The following GALNT17 variants were observed in gnomAD, a reference collection of about 807,000 sequenced individuals.
GALNT17 encodes polypeptide N-acetylgalactosaminyltransferase 17, also known as UDP-GalNAc:polypeptide N-acetylgalactosaminyltransferase-like 3.
GALNT17 carries 29 observed loss-of-function variants against 63.7 expected under a neutral mutation model. The observed-to-expected ratio is 0.46, with a 90% CI of 0.34 to 0.62. The LOEUF (loss-of-function observed/expected upper bound fraction) is 0.62, where lower values mean the gene tolerates loss of function less well. Ranked by LOEUF, GALNT17 falls within the 20% of genes least tolerant of loss-of-function variation. The probability of loss-of-function intolerance (pLI) is 0.01; values close to 1 mark genes in which losing one functional copy is unlikely to be tolerated. For missense variants in GALNT17, 603 were observed against 799.6 expected (o/e 0.75, Z 2.97); for synonymous variants, 305 against 318.3 (o/e 0.96, Z 0.45).
chr7:71,663,297 G>C (rs764066301), intron 6 of GALNT17, among the ~76,000 whole-genome samples: 6 of 152,120 alleles, frequency 3.9e-5, no homozygotes, highest in South Asian at 2.1e-4. Context: ...TTACCATCTT[G>C]ACAATGTTAA....
intron 1 of GALNT17, among the ~76,000 whole-genome samples, chr7:71,157,454 T>A (rs1456085551): frequency 6.6e-6 from 1 of 151,704 alleles, no homozygotes; most frequent in Non-Finnish European, 1.5e-5. Context: ...GGTCGGGAGT[T>A]CGAGACCAGC....
chr7:71,334,034 C>CT (rs1311100127), intron 1 of GALNT17, among the ~76,000 whole-genome samples: 41 of 152,120 alleles, frequency 2.7e-4, no homozygotes, highest in Non-Finnish European at 7.4e-5. Context: ...CTGGAGTACT[C>CT]TAATTCTCCG....
chr7:71,696,948 C>A (rs150956749), intron 9 of GALNT17, among the ~76,000 whole-genome samples: 1 of 151,956 alleles, frequency 6.6e-6, no homozygotes, highest in African/African-American at 2.4e-5. Flanking sequence ...TTATAAAATA[C>A]GAGATTATGT....
At chr7:71,464,170 G>C (rs55967920) in intron 5 of GALNT17, among the ~76,000 whole-genome samples, 6 of 152,300 alleles carry the variant, frequency 3.9e-5, no homozygotes, top group East Asian at 1.9e-4. Context: ...GACATTAAGC[G>C]TGGGGGATTC....
intron 2 of GALNT17, among the ~76,000 whole-genome samples, chr7:71,338,157 A>C (rs9986866): frequency 0.65 from 98,651 of 151,068 alleles, 32,615 homozygotes; most frequent in African/African-American, 0.76. Flanking sequence ...AAAACCCCGT[A>C]TCTACTAAAA....
intron 1 of GALNT17, among the ~76,000 whole-genome samples, chr7:71,331,051 C>A (rs543196634): frequency 1.3e-5 from 2 of 152,158 alleles, no homozygotes; most frequent in Non-Finnish European, 2.9e-5. Flanking sequence ...TGGACTCTGA[C>A]GCCATCTGGA....
chr7:71,376,157 A>AT (rs1202945894), intron 2 of GALNT17, among the ~76,000 whole-genome samples: 2 of 152,034 alleles, frequency 1.3e-5, no homozygotes, highest in Non-Finnish European at 2.9e-5. Context: ...GCGTAAAGCT[A>AT]TTTATTATTT....
chr7:71,205,256 C>T (rs748819789), intron 1 of GALNT17, among the ~76,000 whole-genome samples: 3 of 148,604 alleles, frequency 2.0e-5, no homozygotes, highest in African/African-American at 5.0e-5. Context: ...CAGGTTCAAG[C>T]GATTCTCCTG....
At chr7:71,136,137 C>T (rs956471574) in intron 1 of GALNT17, among the ~76,000 whole-genome samples, 2 of 152,164 alleles carry the variant, frequency 1.3e-5, no homozygotes, top group Admixed American at 6.5e-5. Context: ...TTGGGTAATG[C>T]GTGTCCCATC....
chr7:71,687,514 A>G (rs1791380028), intron 9 of GALNT17, among the ~76,000 whole-genome samples: 1 of 152,318 alleles, frequency 6.6e-6, no homozygotes, highest in Non-Finnish European at 1.5e-5. Context: ...TTGAGAACAC[A>G]TTGAAGTTTC....
chr7:71,351,762 G>GC (rs1792192807), intron 2 of GALNT17, among the ~76,000 whole-genome samples: 1 of 152,150 alleles, frequency 6.6e-6, no homozygotes. Context: ...ATAAATTTCT[G>GC]TTGTTGTAGT....
At chr7:71,358,359 C>A (rs1333273922) in intron 2 of GALNT17, among the ~76,000 whole-genome samples, 2 of 152,228 alleles carry the variant, frequency 1.3e-5, no homozygotes, top group Non-Finnish European at 2.9e-5. Flanking sequence ...TGCGCCATTG[C>A]ACTCCTGCCT....
chr7:71,326,961 T>C (rs2116040097), intron 1 of GALNT17, among the ~76,000 whole-genome samples: 1 of 152,352 alleles, frequency 6.6e-6, no homozygotes, highest in African/African-American at 2.4e-5. Flanking sequence ...AACACCTCTT[T>C]TCCTATTAGA....
intron 9 of GALNT17, among the ~76,000 whole-genome samples, chr7:71,679,447 A>C (rs560774217): frequency 6.6e-6 from 1 of 152,080 alleles, no homozygotes; most frequent in Admixed American, 6.6e-5. Context: ...CACTCAACTA[A>C]TATGTCTTGA....
At chr7:71,417,269 T>C (rs1397235018) in intron 4 of GALNT17, among the ~76,000 whole-genome samples, 1 of 152,184 alleles carries the variant, frequency 6.6e-6, no homozygotes, top group Non-Finnish European at 1.5e-5. Flanking sequence ...ATCCTTTTAA[T>C]GGCAGGATAA....
chr7:71,706,866 G>A (rs1255870021), intron 9 of GALNT17, among the ~76,000 whole-genome samples: 1 of 152,202 alleles, frequency 6.6e-6, no homozygotes, highest in Non-Finnish European at 1.5e-5. Flanking sequence ...CCTGAGCAGA[G>A]CTACTTATTT....
At chr7:71,271,314 G>A (rs1034563150) in intron 1 of GALNT17, among the ~76,000 whole-genome samples, 16 of 152,164 alleles carry the variant, frequency 1.1e-4, no homozygotes, top group Non-Finnish European at 4.4e-5. Flanking sequence ...TAGGGTGCAC[G>A]GGGCACAGTC....
Position 71,608,537 on chromosome 7 carries a change from T to C in GALNT17, c.1080+37135T>C, listed in dbSNP as rs532397476. On this transcript the variant is annotated intron_variant, in intron 6 of 10. Transcript: ENST00000333538. The stretch of plus-strand genomic sequence containing the variant: ...ATTCTCAAGTACCATCATATAATTT[T>C]GAGCTCTGCTATTGTAACAGCAAAG... Among the ~76,000 whole-genome samples the C allele has an allele frequency of 1.2e-4, 19 of 152,318 alleles. No homozygotes were observed. The South Asian group carries it at 1.7e-3, about 13-fold the overall frequency.
intron 6 of GALNT17, among the ~76,000 whole-genome samples, chr7:71,608,967 G>A (rs559771993): frequency 1.5e-3 from 203 of 139,972 alleles, no homozygotes; most frequent in African/African-American, 5.5e-3. Context: ...TTTTGGTAGC[G>A]ATGGGGTCCT....
Sources: allele counts gnomAD v4.1 joint callset (sites outside exome capture counted in the v4.1 genomes callset), GRCh38; gene constraint gnomAD v4.1.1; transcripts MANE v1.5; gene names NCBI Gene and HGNC (gene_info 2026-07-23, HGNC 2026-07-21).